Variants in ROBO2 observed in about 807,000 individuals in gnomAD.
ROBO2 encodes roundabout guidance receptor 2, also known as roundabout homolog 2.
ROBO2 carries 53 observed loss-of-function variants against 160.8 expected under a neutral mutation model. The ratio of observed to expected loss-of-function variants is 0.33; its 90% confidence interval spans 0.26 to 0.41. The LOEUF (loss-of-function observed/expected upper bound fraction) is 0.41. Among genes scored for constraint, ROBO2 ranks in the 10% least tolerant of loss-of-function variants. The pLI, the probability that ROBO2 is intolerant of heterozygous loss-of-function variation, is 1.00. For synonymous variants in ROBO2, 664 were observed against 611.7 expected, an observed-to-expected ratio of 1.09 and a Z score of -1.26; for missense variants, 1,577 against 1,722.4, an observed-to-expected ratio of 0.92 and a Z score of 1.49.
chr3:76,211,239 C>T (rs1372971050), intron 2 of ROBO2, among the ~76,000 whole-genome samples: 1 of 152,020 alleles, frequency 6.6e-6, no homozygotes, highest in East Asian at 1.9e-4. Flanking sequence ...GCAAAGATGA[C>T]TTGAGTTCAT....
chr3:76,185,993 G>T (rs143471434), intron 2 of ROBO2, among the ~76,000 whole-genome samples: 3,515 of 150,622 alleles, frequency 0.023, 34 homozygotes, highest in Middle Eastern at 0.048. Flanking sequence ...GAGTGCAGGG[G>T]TTTTATCACA....
chr3:75,973,672 A>G (rs1316066229), intron 2 of ROBO2, among the ~76,000 whole-genome samples: 8 of 151,672 alleles, frequency 5.3e-5, no homozygotes, highest in African/African-American at 1.9e-4. Flanking sequence ...AAGAAAAGGA[A>G]ACTAATTTTA....
At chr3:76,850,753 T>C (rs911474316) in intron 2 of ROBO2, among the ~76,000 whole-genome samples, 5 of 152,052 alleles carry the variant, frequency 3.3e-5, no homozygotes, top group Non-Finnish European at 4.4e-5. Context: ...GCTTTTAATC[T>C]TAATAAGAGA....
intron 2 of ROBO2, among the ~76,000 whole-genome samples, chr3:76,976,239 C>T (rs7643069): frequency 0.038 from 5,780 of 152,136 alleles, 380 homozygotes; most frequent in African/African-American, 0.13. Context: ...AATAAAAGGT[C>T]GAACAATATG....
chr3:76,429,261 C>T (rs542239312), intron 2 of ROBO2, among the ~76,000 whole-genome samples: 2 of 151,974 alleles, frequency 1.3e-5, no homozygotes, highest in Admixed American at 1.3e-4. Flanking sequence ...AAGGTCTAGA[C>T]CTCATGCTTA....
intron 2 of ROBO2, among the ~76,000 whole-genome samples, chr3:76,323,739 G>A (rs931228831): frequency 6.6e-6 from 1 of 152,150 alleles, no homozygotes. Flanking sequence ...GGATTTCCAC[G>A]TGGTGCATTA....
chr3:76,284,048 A>C (rs1708383545), intron 2 of ROBO2, among the ~76,000 whole-genome samples: 1 of 152,004 alleles, frequency 6.6e-6, no homozygotes, highest in Non-Finnish European at 1.5e-5. Flanking sequence ...TTCTAATTGC[A>C]GTGGCTTCAT....
chr3:76,466,521 AAAT>A (rs1472180176), intron 2 of ROBO2, among the ~76,000 whole-genome samples: 1 of 152,004 alleles, frequency 6.6e-6, no homozygotes, highest in East Asian at 1.9e-4. Context: ...TAAAGAGGAG[AAAT>A]AATATGAATG....
intron 17 of ROBO2, among the ~76,000 whole-genome samples, chr3:77,594,628 A>T (rs1480314161): frequency 6.6e-6 from 1 of 152,166 alleles, no homozygotes; most frequent in East Asian, 1.9e-4. Flanking sequence ...ATCACTGTTT[A>T]TGAGGGTCAT....
chr3:77,313,209 CA>C (rs2063697080), intron 2 of ROBO2, among the ~76,000 whole-genome samples: 1 of 152,056 alleles, frequency 6.6e-6, no homozygotes, highest in African/African-American at 2.4e-5. Context: ...TAAACAGTCC[CA>C]AAAGTTCAGT....
chr3:76,102,969 C>T (rs1352067895), intron 2 of ROBO2, among the ~76,000 whole-genome samples: 4 of 151,942 alleles, frequency 2.6e-5, no homozygotes, highest in Admixed American at 6.6e-5. Flanking sequence ...GGACTGCAGG[C>T]GCCGCCACCA....
At chr3:76,219,937 A>G (rs1354662629) in intron 2 of ROBO2, among the ~76,000 whole-genome samples, 12 of 152,018 alleles carry the variant, frequency 7.9e-5, no homozygotes, top group African/African-American at 2.4e-4. Flanking sequence ...CAAATGTCCA[A>G]CAATGATAGA....
intron 2 of ROBO2, among the ~76,000 whole-genome samples, chr3:76,690,500 C>G (rs548592960): frequency 7.2e-5 from 11 of 152,020 alleles, no homozygotes; most frequent in Non-Finnish European, 1.5e-4. Flanking sequence ...CACCAGACAC[C>G]AAACCTGCCT....
At chr3:76,441,281 C>T (rs1329815067) in intron 2 of ROBO2, among the ~76,000 whole-genome samples, 2 of 152,188 alleles carry the variant, frequency 1.3e-5, no homozygotes, top group Admixed American at 6.6e-5. Flanking sequence ...TGGTACTATT[C>T]TTCCTTTGCC....
intron 2 of ROBO2, among the ~76,000 whole-genome samples, chr3:77,011,054 C>CTTTCTTCTTTCT (rs367569139): frequency 7.5e-5 from 8 of 106,816 alleles, no homozygotes; most frequent in South Asian, 3.7e-4. Flanking sequence ...TTCTTTCTTT[C>CTTTCTTCTTTCT]TTCTTTCTTT....
intron 2 of ROBO2, among the ~76,000 whole-genome samples, chr3:77,463,374 A>G (rs189629915): frequency 4.6e-4 from 70 of 152,278 alleles, no homozygotes; most frequent in South Asian, 4.4e-3. Flanking sequence ...GGGAAGAACC[A>G]TGGATATTAG....
chr3:76,288,893 C>T (rs1708665406), intron 2 of ROBO2, among the ~76,000 whole-genome samples: 1 of 152,148 alleles, frequency 6.6e-6, no homozygotes, highest in Admixed American at 6.6e-5. Flanking sequence ...ATCCAGTCCA[C>T]TCTTGATGGG....
intron 2 of ROBO2, among the ~76,000 whole-genome samples, chr3:76,473,151 A>G (rs996679057): frequency 1.3e-5 from 2 of 152,138 alleles, no homozygotes; most frequent in Non-Finnish European, 1.5e-5. Flanking sequence ...ACGGGCATTT[A>G]CAGTTCATTC....
At chr3:76,984,632 A>G (rs2149343137) in intron 2 of ROBO2, among the ~76,000 whole-genome samples, 1 of 152,278 alleles carries the variant, frequency 6.6e-6, no homozygotes, top group East Asian at 1.9e-4. Context: ...GATACATGGA[A>G]ACGTGGTGGG....
Sources: gnomAD v4.1 joint callset for allele counts (sites outside exome capture counted in the v4.1 genomes callset) on GRCh38, gnomAD v4.1.1 for gene constraint, MANE v1.5 for transcripts, NCBI Gene and HGNC (gene_info 2026-07-23, HGNC 2026-07-21) for gene names.